Variants in LYPLA1 observed in about 807,000 individuals in gnomAD.
The protein encoded by LYPLA1 is lysophospholipase 1, also known as acyl-protein thioesterase 1.
LYPLA1 carries 17 observed loss-of-function variants against 34.0 expected under a neutral mutation model. The observed-to-expected ratio is 0.50, with a 90% CI of 0.34 to 0.75. LYPLA1 has a LOEUF of 0.75. Among genes scored for constraint, LYPLA1 ranks in the 30% least tolerant of loss-of-function variants. The pLI is 0.01. For missense variants in LYPLA1, 203 were observed against 288.8 expected, an observed-to-expected ratio of 0.70 and a Z score of 2.15; for synonymous variants, 98 against 100.8, an observed-to-expected ratio of 0.97 and a Z score of 0.17.
intron 2 of LYPLA1, among the ~76,000 whole-genome samples, chr8:54,096,070 A>AAT (rs1563674305): frequency 6.6e-6 from 1 of 152,254 alleles, no homozygotes; most frequent in Non-Finnish European, 1.5e-5. Context: ...AATGATGGTT[A>AAT]TACTGGAGTG....
chr8:54,092,933 T>C (rs191539664), intron 2 of LYPLA1, among the ~76,000 whole-genome samples: 4 of 152,356 alleles, frequency 2.6e-5, no homozygotes, highest in Admixed American at 2.6e-4. Context: ...AGATTCTGTC[T>C]GGGTTTGTAA....
chr8:54,100,105 ACAGATTAT>A (rs1810005553), intron 2 of LYPLA1: 1 of 152,220 alleles, frequency 6.6e-6, no homozygotes, highest in African/African-American at 2.4e-5. Context: ...CTTAAGTTTC[ACAGATTAT>A]CACCAATTTA....
rs149344182 is a variant in LYPLA1 at position 54,077,109 on chromosome 8, A to G, written c.102-11296T>C. Among the ~76,000 whole-genome samples, 318 of 152,242 alleles carry G rather than the reference A, an allele frequency of 2.1e-3. 1 individual carries two copies. Among genetic ancestry groups the G allele is most frequent in the African/African-American group, 7.2e-3 (301 of 41,540 alleles). ...CACCCTAGATACCCATCAGCGGCAA[A>G]CGGGATAAAGAAAATATCGTACATA... On this transcript the variant is annotated intron_variant, in intron 2 of 8. Transcript: ENST00000316963.
chr8:54,087,206 A>G (rs1403086613), intron 2 of LYPLA1, among the ~76,000 whole-genome samples: 1 of 152,244 alleles, frequency 6.6e-6, no homozygotes, highest in Non-Finnish European at 1.5e-5. Flanking sequence ...GATATAAAAA[A>G]CTTATCAAAA....
intron 2 of LYPLA1, chr8:54,073,638 C>T: frequency 4.2e-6 from 2 of 472,142 alleles, no homozygotes; most frequent in East Asian, 3.8e-5. Flanking sequence ...GTAAAGGCTG[C>T]TGCTACAATG....
intron 5 of LYPLA1, among the ~76,000 whole-genome samples, chr8:54,056,115 T>C (rs1806189102): frequency 6.6e-6 from 1 of 152,062 alleles, no homozygotes; most frequent in Admixed American, 6.6e-5. Context: ...AGGAACAGAA[T>C]AGAGAACCCA....
chr8:54,075,087 A>G (rs1396745965), intron 2 of LYPLA1, among the ~76,000 whole-genome samples: 1 of 152,230 alleles, frequency 6.6e-6, no homozygotes, highest in Non-Finnish European at 1.5e-5. Context: ...CTAAAACAGC[A>G]GTTGCAAAAG....
chr8:54,100,160 T>C (rs145348646), intron 2 of LYPLA1: 10 of 152,258 alleles, frequency 6.6e-5, no homozygotes, highest in Non-Finnish European at 5.9e-5. Flanking sequence ...TAGAAAAAGC[T>C]TGAGTAAAAG....
chr8:54,085,811 G>C lies in LYPLA1; in HGVS notation c.101+15097C>G, dbSNP rs962046455. On this transcript the variant is annotated intron_variant, in intron 2 of 8. Transcript: ENST00000316963. ...CCAGCCGCCCCGTCCGCGAGGTGGG[G>C]GGGGGGCAGCCCCCGGCCGGCCAGC... Among the ~76,000 whole-genome samples the C allele has an allele frequency of 6.6e-4, 95 of 143,778 alleles. 1 individual carries two copies. The East Asian group carries it at 0.019, about 28-fold the overall frequency. 94.3% of individuals were successfully genotyped at this position (143,778 alleles called of 152,430 possible).
At chr8:54,095,812 TG>T (rs1586184272) in intron 2 of LYPLA1, among the ~76,000 whole-genome samples, 2 of 151,990 alleles carry the variant, frequency 1.3e-5, no homozygotes, top group East Asian at 3.9e-4. Context: ...CTCAAACAGC[TG>T]GGCTCAAGCG....
chr8:54,048,008 G>T lies in LYPLA1; in HGVS notation c.*57C>A. ...ATTTGAAGACTGGGCATGGGAAAAG[G>T]TTTACACTCTACTACAATGATGCTG... On this transcript the variant is annotated 3_prime_UTR_variant, in exon 9 of 9. Coordinates refer to ENST00000316963, the MANE Select transcript of LYPLA1 (RefSeq NM_006330.4). 3.2e-6 allele frequency: 4 copies of T among 1,267,008 alleles called. No homozygotes were observed. Among genetic ancestry groups the T allele is most frequent in the Non-Finnish European group, 4.6e-6 (4 of 876,704 alleles). The allele number at this position is 1,267,008 out of a possible 1,614,324, so 78.5% of individuals were successfully genotyped here. A position where few individuals can be genotyped will look rare whatever the true frequency, so the allele number is the denominator to read the frequency against.
chr8:54,051,250 C>T, intron 7 of LYPLA1, 62 bp from the exon 8 acceptor site: 1 of 1,374,156 alleles, frequency 7.3e-7, no homozygotes, highest in African/African-American at 1.5e-5. Flanking sequence ...CTATGCCAGG[C>T]ATTTAAAATT....
intron 2 of LYPLA1, among the ~76,000 whole-genome samples, chr8:54,082,287 C>G (rs1335807115): frequency 1.3e-5 from 2 of 152,192 alleles, no homozygotes; most frequent in Non-Finnish European, 2.9e-5. Flanking sequence ...GTTTTCCCCA[C>G]AACGCACACG....
intron 2 of LYPLA1, among the ~76,000 whole-genome samples, chr8:54,084,141 A>AATATATATATAT (rs760476706): frequency 8.4e-6 from 1 of 118,668 alleles, no homozygotes; most frequent in African/African-American, 4.6e-5. Context: ...AAAATAAATA[A>AATATATATATAT]ATATATATAT....
At chr8:54,079,825 A>G (rs1346778069) in intron 2 of LYPLA1, among the ~76,000 whole-genome samples, 2 of 151,866 alleles carry the variant, frequency 1.3e-5, no homozygotes, top group Non-Finnish European at 2.9e-5. Context: ...ATAAATAAAT[A>G]AAATTTAAAC....
At chr8:54,101,576 C>A in intron 1 of LYPLA1, 179 bp downstream of exon 1, 1 of 1,150,510 alleles carries the variant, frequency 8.7e-7, no homozygotes, top group Non-Finnish European at 1.1e-6. Context: ...GGCTGTGACC[C>A]CCCGGCTGCC....
chr8:54,069,955 C>T (rs1435104049), intron 2 of LYPLA1, among the ~76,000 whole-genome samples: 1 of 152,156 alleles, frequency 6.6e-6, no homozygotes, highest in Non-Finnish European at 1.5e-5. Flanking sequence ...CACTTCATAC[C>T]TACCGGAATG....
At chr8:54,072,176 G>A (rs1236534130) in intron 2 of LYPLA1, among the ~76,000 whole-genome samples, 1 of 152,140 alleles carries the variant, frequency 6.6e-6, no homozygotes, top group African/African-American at 2.4e-5. Flanking sequence ...GGATAACTGG[G>A]TGACCATATG....
At position 54,081,593 on chromosome 8, in the gene LYPLA1, G is replaced by A. The variant is rs796541465; in HGVS notation, c.102-15780C>T. 2.6e-5 allele frequency among the ~76,000 whole-genome samples: 4 copies of A among 151,514 alleles called. 1 individual carries two copies. The highest frequency in any genetic ancestry group is 4.8e-5 in the African/African-American group (2 of 41,270). ...CTCCCGAGTAGCTGGGATTACAAGC[G>A]CGCCACCATGACAGGGTTTCACCAT... On this transcript the variant is annotated intron_variant, in intron 2 of 8. Coordinates refer to ENST00000316963, the MANE Select transcript of LYPLA1 (RefSeq NM_006330.4).
Sources: gnomAD v4.1 joint callset for allele counts (sites outside exome capture counted in the v4.1 genomes callset) on GRCh38, gnomAD v4.1.1 for gene constraint, MANE v1.5 for transcripts, NCBI Gene and HGNC (gene_info 2026-07-23, HGNC 2026-07-21) for gene names.